Variants in FCHSD2 observed in about 807,000 individuals in gnomAD.
The protein encoded by FCHSD2 is FCH and double SH3 domains 2, also known as F-BAR and double SH3 domains protein 2.
Under a neutral mutation model 108.1 loss-of-function variants are expected in FCHSD2, and 38 were observed. The ratio of observed to expected loss-of-function variants is 0.35; its 90% CI spans 0.27 to 0.46. The LOEUF (loss-of-function observed/expected upper bound fraction) is 0.46, where lower values mean the gene tolerates loss of function less well. Among genes scored for constraint, FCHSD2 ranks in the 20% least tolerant of loss-of-function variants. The pLI is 1.00. For synonymous variants in FCHSD2, 279 were observed against 314.7 expected, an observed-to-expected ratio of 0.89 and a Z score of 1.20; for missense variants, 751 against 897.8, an observed-to-expected ratio of 0.84 and a Z score of 2.09.
At chr11:73,055,362 G>T (rs1018163666) in intron 3 of FCHSD2, among the ~76,000 whole-genome samples, 4 of 150,512 alleles carry the variant, frequency 2.7e-5, no homozygotes, top group Non-Finnish European at 5.9e-5. Flanking sequence ...AAAAAATTCT[G>T]ATAAAGAAAC....
chr11:72,935,140 GAAACTTAGAAATC>G (rs1329611932), intron 8 of FCHSD2, among the ~76,000 whole-genome samples: 2 of 152,108 alleles, frequency 1.3e-5, no homozygotes, highest in African/African-American at 4.8e-5. Context: ...GACAAATTCA[GAAACTTAGAAATC>G]TGGAATGCTC....
chr11:73,124,495 C>G (rs1018506681), intron 2 of FCHSD2, among the ~76,000 whole-genome samples: 1 of 152,148 alleles, frequency 6.6e-6, no homozygotes, highest in Non-Finnish European at 1.5e-5. Context: ...GTGGCTCACA[C>G]CTGTAATCCC....
At chr11:72,842,490 C>G (rs1860990836) in intron 17 of FCHSD2, 131 bp downstream of exon 17, 1 of 1,066,910 alleles carries the variant, frequency 9.4e-7, no homozygotes, top group South Asian at 1.6e-5. Flanking sequence ...TGCAGTTGTG[C>G]AGACACTGGC....
At chr11:73,068,813 T>TAAA (rs1237723120) in intron 3 of FCHSD2, among the ~76,000 whole-genome samples, 52 of 83,006 alleles carry the variant, frequency 6.3e-4, no homozygotes, top group East Asian at 2.4e-3. Context: ...CTACAAAAAG[T>TAAA]AAAAAAAAAA....
chr11:72,942,416 A>C (rs1856437387), intron 8 of FCHSD2, among the ~76,000 whole-genome samples: 1 of 152,206 alleles, frequency 6.6e-6, no homozygotes, highest in African/African-American at 2.4e-5. Context: ...CTTTAAACCA[A>C]TGTAAATGGG....
chr11:72,849,846 T>C lies in FCHSD2; in HGVS notation c.1352A>G (p.Asp451Gly), dbSNP rs755685122. ...GCTGTCATCGAAAACATCCATGTTA[T>C]CTTCAAACTCTTCGCCTTCTTCTCT... ...TEREEGEEFE[D>G]NMDVFDDSSS... The change falls in exon 14 of 20, where the codon GAT becomes GGT. Residue 451 changes from aspartate to glycine, a missense_variant. Coordinates refer to ENST00000409418, the MANE Select transcript of FCHSD2 (RefSeq NM_014824.3). 4 of 1,613,192 alleles carry C rather than the reference T, an allele frequency of 2.5e-6. No homozygotes were observed. Among genetic ancestry groups the C allele is most frequent in the Non-Finnish European group, 3.4e-6 (4 of 1,179,160 alleles).
chr11:72,974,612 T>C (rs779260288), intron 8 of FCHSD2, among the ~76,000 whole-genome samples: 3 of 152,218 alleles, frequency 2.0e-5, no homozygotes, highest in African/African-American at 4.8e-5. Flanking sequence ...CTTTAAGCAT[T>C]TGAAATATGG....
At chr11:72,977,923 T>C (rs1257783286) in intron 8 of FCHSD2, among the ~76,000 whole-genome samples, 1 of 152,184 alleles carries the variant, frequency 6.6e-6, no homozygotes, top group African/African-American at 2.4e-5. Context: ...CAAATGCCCA[T>C]CAATGATAGA....
chr11:72,857,378 A>G (rs1365380131), intron 13 of FCHSD2, among the ~76,000 whole-genome samples: 1 of 150,704 alleles, frequency 6.6e-6, no homozygotes, highest in Non-Finnish European at 1.5e-5. Flanking sequence ...AATCAAAACT[A>G]TTCTTTCTAG....
intron 9 of FCHSD2, among the ~76,000 whole-genome samples, chr11:72,907,002 A>G (rs1855643570): frequency 6.6e-6 from 1 of 152,180 alleles, no homozygotes; most frequent in Admixed American, 6.5e-5. Flanking sequence ...GAATCCATAA[A>G]TTACCTTGGG....
At chr11:72,875,087 T>C (rs1854939851) in intron 12 of FCHSD2, among the ~76,000 whole-genome samples, 1 of 152,222 alleles carries the variant, frequency 6.6e-6, no homozygotes, top group African/African-American at 2.4e-5. Context: ...GAATTTCAAG[T>C]CTGTAAATCT....
intron 8 of FCHSD2, among the ~76,000 whole-genome samples, chr11:72,967,074 C>T (rs893036650): frequency 1.3e-5 from 2 of 152,014 alleles, no homozygotes; most frequent in African/African-American, 4.8e-5. Context: ...GTGGCGGGCA[C>T]CTGTGGTCCC....
chr11:72,943,463 C>T (rs769047207), intron 8 of FCHSD2, among the ~76,000 whole-genome samples: 2 of 152,014 alleles, frequency 1.3e-5, no homozygotes, highest in Admixed American at 1.3e-4. Context: ...AAAGACAGCA[C>T]AGAACAATAT....
chr11:73,075,488 T>C (rs1238946706), intron 3 of FCHSD2, among the ~76,000 whole-genome samples: 1 of 152,172 alleles, frequency 6.6e-6, no homozygotes, highest in Non-Finnish European at 1.5e-5. Flanking sequence ...AAAACGAGAA[T>C]GCAAACACAA....
At chr11:73,044,421 A>C (rs1858708883) in intron 3 of FCHSD2, among the ~76,000 whole-genome samples, 1 of 151,942 alleles carries the variant, frequency 6.6e-6, no homozygotes, top group South Asian at 2.1e-4. Context: ...CTCTACACAA[A>C]ATTTAAAAAT....
intron 14 of FCHSD2, among the ~76,000 whole-genome samples, chr11:72,844,992 C>CA (rs548888457): frequency 1.8e-4 from 27 of 152,234 alleles, no homozygotes; most frequent in Admixed American, 1.6e-3. Flanking sequence ...TTGAATATGC[C>CA]AGCAAAAGGC....
intron 6 of FCHSD2, among the ~76,000 whole-genome samples, chr11:72,988,486 A>T (rs1024588854): frequency 6.6e-5 from 10 of 152,198 alleles, no homozygotes; most frequent in Non-Finnish European, 8.8e-5. Flanking sequence ...TGTGTAAAAG[A>T]AAAAAACAGT....
intron 4 of FCHSD2, among the ~76,000 whole-genome samples, chr11:73,010,453 A>G (rs1307372565): frequency 6.6e-6 from 1 of 152,086 alleles, no homozygotes; most frequent in East Asian, 1.9e-4. Flanking sequence ...CTTTGGAGTT[A>G]TATTTCCTTG....
intron 5 of FCHSD2, among the ~76,000 whole-genome samples, chr11:72,996,759 T>C (rs1857525428): frequency 6.6e-6 from 1 of 152,166 alleles, no homozygotes; most frequent in East Asian, 1.9e-4. Flanking sequence ...TTCTCTAGAC[T>C]GGAAAGTGTA....
Sources: allele counts gnomAD v4.1 joint callset (sites outside exome capture counted in the v4.1 genomes callset), GRCh38; gene constraint gnomAD v4.1.1; transcripts MANE v1.5; gene names NCBI Gene and HGNC (gene_info 2026-07-23, HGNC 2026-07-21).